Variants in ARHGAP33 observed in about 807,000 individuals in gnomAD.
ARHGAP33 encodes rho GTPase-activating protein 33.
Under a neutral mutation model 126.2 loss-of-function variants are expected in ARHGAP33, and 57 were observed. That is an observed-to-expected ratio of 0.45 (90% CI 0.36 to 0.56). The LOEUF (loss-of-function observed/expected upper bound fraction) is 0.56. ARHGAP33 is among the 20% of genes least tolerant of loss of function. The pLI, the probability that ARHGAP33 is intolerant of heterozygous loss-of-function variation, is 0.00. For missense variants in ARHGAP33, 1,500 were observed against 1,748.3 expected (o/e 0.86, Z 2.53); for synonymous variants, 711 against 755.0 (o/e 0.94, Z 0.95).
Position 35,787,044 on chromosome 19 carries a change from C to T in ARHGAP33, c.2574C>T (p.Ser858=). 6.2e-7 allele frequency: 1 copy of T among 1,607,084 alleles called. No individual in the cohort carries two copies. The highest frequency in any genetic ancestry group is 8.5e-7 in the Non-Finnish European group (1 of 1,176,406). Residue 858 remains serine (S), a synonymous_variant, in exon 20 of 21, where the codon AGC becomes AGT. Transcript: ENST00000007510. ...LTDACQQEMC[S]KLRGAQGPLG... ...ACGCCTGCCAGCAGGAGATGTGCAG[C>T]AAGCTCCGGGGAGCCCAGGGCCCAC... is the stretch of plus-strand genomic sequence containing the variant.
chr19:35,784,530 C>T (rs1243622124), intron 16 of ARHGAP33: 10 of 1,317,692 alleles, frequency 7.6e-6, no homozygotes, highest in Middle Eastern at 2.8e-4. Context: ...TTGGCCCGGA[C>T]GCCGCTCTTC....
intron 19 of ARHGAP33, 198 bp downstream of exon 19, chr19:35,785,681 C>T: frequency 7.0e-7 from 1 of 1,426,080 alleles, no homozygotes; most frequent in Non-Finnish European, 9.1e-7. Flanking sequence ...ACTTAACTTA[C>T]TCATTGGTCC....
At chr19:35,777,494 A>T in intron 1 of ARHGAP33, 151 bp from the exon 2 acceptor site, 2 of 666,794 alleles carry the variant, frequency 3.0e-6, no homozygotes, top group Non-Finnish European at 5.4e-6. Flanking sequence ...TCCTCAGCCC[A>T]GCCCTCACCT....
At position 35,782,792 on chromosome 19, in the gene ARHGAP33, C is replaced by T; in HGVS notation, c.1344C>T (p.Ala448=). 1 of 1,613,858 alleles carries T rather than the reference C, an allele frequency of 6.2e-7. No homozygotes were observed. Residue 448 remains alanine (A), a synonymous_variant, in exon 15 of 21, where the codon GCC becomes GCT. Coordinates refer to ENST00000007510, the MANE Select transcript of ARHGAP33 (RefSeq NM_001366178.1). This position sits in a 1 kb window ranked among gnomAD's most constrained non-coding sequence, Gnocchi z 4.1. ...TGGAGTACCTGCTGAGGCACCTGGC[C>T]CGCATGGCGAGACACAGTGCCAACA... ...RTLEYLLRHL[A]RMARHSANTS...
intron 6 of ARHGAP33, 116 bp downstream of exon 6, chr19:35,779,240 G>A (rs1047723662): frequency 3.9e-6 from 3 of 776,212 alleles, no homozygotes; most frequent in African/African-American, 3.5e-5. Flanking sequence ...AGTGGAGGAG[G>A]CGTTGATATT....
chr19:35,788,602 A>T lies in ARHGAP33; in HGVS notation c.*173A>T. 6.6e-6 allele frequency: 4 copies of T among 602,472 alleles called. No homozygotes were observed. Among genetic ancestry groups the T allele is most frequent in the Non-Finnish European group, 8.2e-6 (3 of 364,500 alleles). The allele number at this position is 602,472 out of a possible 1,614,324, so 37.3% of individuals were successfully genotyped here. ...TATAATCTCAGCTTCCCTACCCTGG[A>T]CTGAAGGGTCTGCCCATCCCCCCAC... On this transcript the variant is annotated 3_prime_UTR_variant, in exon 21 of 21. Transcript: ENST00000007510.
At chr19:35,783,473 G>A (rs532413710) in intron 15 of ARHGAP33, among the ~76,000 whole-genome samples, 12 of 152,308 alleles carry the variant, frequency 7.9e-5, no homozygotes, top group Non-Finnish European at 1.6e-4. Context: ...TTTGAGTCAA[G>A]ACCTGCAGAG....
At position 35,786,855 on chromosome 19, in the gene ARHGAP33, C is replaced by A. The variant is rs201216650; in HGVS notation, c.2385C>A (p.Ile795=). 1,675 of 1,596,014 alleles carry A rather than the reference C, an allele frequency of 1.0e-3. 14 individuals are homozygous for A. In the African/African-American group the frequency reaches 0.019, roughly 18 times the overall value. Residue 795 remains isoleucine, a synonymous_variant, in exon 20 of 21, where the codon ATC becomes ATA. Transcript: ENST00000007510. The surrounding 1 kb of genome is among the most constrained non-coding windows in gnomAD (Gnocchi z 7.0). The part of the protein sequence containing the change: ...TSPASPAALD[I]SEPLAVSVPP... ...CCGCCTCGCCTGCTGCCCTAGACATCTCAGAGCCCCTGGCTGTATCAGTGC... is the reference window on the plus strand; with the variant it reads ...CCGCCTCGCCTGCTGCCCTAGACATATCAGAGCCCCTGGCTGTATCAGTGC...
intron 3 of ARHGAP33, 85 bp from the exon 4 acceptor site, chr19:35,778,195 T>C: frequency 7.0e-7 from 1 of 1,438,314 alleles, no homozygotes; most frequent in Non-Finnish European, 9.7e-7. Flanking sequence ...CAGAAGGGAG[T>C]CACAAACCCG....
chr19:35,783,536 G>A (rs1192262541), intron 15 of ARHGAP33, among the ~76,000 whole-genome samples: 2 of 152,204 alleles, frequency 1.3e-5, no homozygotes, highest in African/African-American at 4.8e-5. Context: ...TGAGGGAACG[G>A]CAGGTGCAGA....
At chr19:35,779,983 G>T in intron 6 of ARHGAP33, 1 of 652,064 alleles carries the variant, frequency 1.5e-6, no homozygotes, top group Non-Finnish European at 2.8e-6. Flanking sequence ...AGAGTCCTGG[G>T]ACATGTGAGG....
At chr19:35,781,708 G>A (rs1971791802) in intron 12 of ARHGAP33, among the ~76,000 whole-genome samples, 1 of 152,204 alleles carries the variant, frequency 6.6e-6, no homozygotes. Context: ...GGCAGGCCAT[G>A]CAGAGGGAGC....
chr19:35,784,607 C>T (rs1971995176), intron 16 of ARHGAP33: 8 of 1,317,588 alleles, frequency 6.1e-6, no homozygotes, highest in Non-Finnish European at 7.7e-6. Context: ...GTGGGAGGTC[C>T]CCAGACTTGA....
At position 35,780,501 on chromosome 19, in the gene ARHGAP33, G is replaced by A; in HGVS notation, c.702+3G>A. The A allele has an allele frequency of 6.2e-7, 1 of 1,607,658 alleles. No individual in the cohort carries two copies. The highest frequency in any genetic ancestry group is 1.3e-5 in the African/African-American group (1 of 74,972). ...GGCGGGGCAAGCGAGGCTTCCAGGT[G>A]AGTCCAGCTGGGCGCGGACAGGTGG... On this transcript the variant is annotated splice_donor_region_variant and intron_variant, in intron 8 of 20. Transcript: ENST00000007510.
At chr19:35,783,248 G>A (rs910234042) in intron 15 of ARHGAP33, among the ~76,000 whole-genome samples, 1 of 152,202 alleles carries the variant, frequency 6.6e-6, no homozygotes, top group Non-Finnish European at 1.5e-5. Flanking sequence ...AAGCCTGGAG[G>A]ATTTGATGGT....
Position 35,780,788 on chromosome 19 carries a change from T to C in ARHGAP33, c.801T>C (p.Ala267=). 1 of 1,613,760 alleles carries C rather than the reference T, an allele frequency of 6.2e-7. No homozygotes were observed. Among genetic ancestry groups the C allele is most frequent in the Non-Finnish European group, 8.5e-7 (1 of 1,179,974 alleles). ...DADGPPCGIP[A]PQGISSLTSA... The stretch of plus-strand genomic sequence containing the variant: ...ATGGCCCCCCATGTGGCATCCCGGC[T>C]CCCCAGGGTATCTCGTCTCTGACCT... The change falls in exon 10 of 21, where the codon GCT becomes GCC. Residue 267 remains alanine, a synonymous_variant. Transcript: ENST00000007510.
chr19:35,788,675 T>C lies in ARHGAP33; in HGVS notation c.*246T>C. 1 of 461,834 alleles carries C rather than the reference T, an allele frequency of 2.2e-6. No homozygotes were observed. The allele number at this position is 461,834 out of a possible 1,614,324, so 28.6% of individuals were successfully genotyped here. A position where few individuals can be genotyped will look rare whatever the true frequency, so the allele number is the denominator to read the frequency against. ...CGCACAAATCTGGGGTGGGAGGGGC[T>C]AGGCTGACCCCATCCTCCTCTCCCT... On this transcript the variant is annotated 3_prime_UTR_variant, in exon 21 of 21. Coordinates refer to ENST00000007510, the MANE Select transcript of ARHGAP33 (RefSeq NM_001366178.1).
Position 35,785,052 on chromosome 19 carries a change from TG to T in ARHGAP33, c.1671del (p.Thr558ArgfsTer74). 6.4e-7 allele frequency: 1 copy of T among 1,556,976 alleles called. No homozygotes were observed. Among genetic ancestry groups the T allele is most frequent in the Non-Finnish European group, 8.7e-7 (1 of 1,150,624 alleles). ...EEAQARTQGR[L>X]GTPTEPTTPK... The stretch of plus-strand genomic sequence containing the variant: ...GCCCAGGCACGCACCCAGGGCCGGC[TG>T]GGGACGCCCACGGAGCCCACAACTC... On this transcript the variant is annotated frameshift_variant, in exon 17 of 21. Coordinates refer to ENST00000007510, the MANE Select transcript of ARHGAP33 (RefSeq NM_001366178.1). LOFTEE classifies it high-confidence loss of function.
In ARHGAP33 at chr19:35,784,982, C is replaced by T. The variant is rs749884396; in HGVS notation, c.1597C>T (p.Leu533Phe). The T allele has an allele frequency of 1.1e-5, 17 of 1,545,230 alleles. No individual in the cohort carries two copies. Among genetic ancestry groups the T allele is most frequent in the Non-Finnish European group, 1.4e-5 (16 of 1,146,752 alleles). The change falls in exon 17 of 21, where the codon CTT becomes TTT. Residue 533 changes from leucine to phenylalanine, a missense_variant. Leu to Phe is a conservative substitution (Grantham distance 22). Coordinates refer to ENST00000007510, the MANE Select transcript of ARHGAP33 (RefSeq NM_001366178.1). ...CTGCCTGCTCCCCAGGCCCAAGTCC[C>T]TTGCGGGCAGCTGCCCCTCCACCCG... ...GRCLLPRPKS[L>F]AGSCPSTRLL...
Sources: gnomAD v4.1 joint callset for allele counts (sites outside exome capture counted in the v4.1 genomes callset) on GRCh38, gnomAD v4.1.1 for gene constraint, Gnocchi (gnomAD v3.1) non-coding constraint, MANE v1.5 for transcripts, NCBI Gene and HGNC (gene_info 2026-07-23, HGNC 2026-07-21) for gene names.